FSTL5: variants seen among roughly 807,000 people sequenced by gnomAD.
FSTL5 encodes follistatin-related protein 5.
A neutral mutation model predicts 89.1 loss-of-function variants in FSTL5; 62 were observed. That is an observed-to-expected ratio of 0.70 (90% CI 0.57 to 0.86). The LOEUF (loss-of-function observed/expected upper bound fraction) is 0.86, where lower values mean the gene tolerates loss of function less well. FSTL5 is among the 40% of genes least tolerant of loss of function. The pLI is 0.00. For missense variants in FSTL5, 1,057 were observed against 1,001.6 expected, an observed-to-expected ratio of 1.06 and a Z score of -0.75; for synonymous variants, 383 against 346.2, an observed-to-expected ratio of 1.11 and a Z score of -1.18.
intron 6 of FSTL5, among the ~76,000 whole-genome samples, chr4:161,744,604 C>A (rs1429555339): frequency 6.6e-6 from 1 of 152,070 alleles, no homozygotes. Flanking sequence ...CCACTGCTAA[C>A]TAGCTAAAGT....
intron 6 of FSTL5, among the ~76,000 whole-genome samples, chr4:161,748,321 C>A (rs1055930104): frequency 6.6e-6 from 1 of 151,980 alleles, no homozygotes; most frequent in Non-Finnish European, 1.5e-5. Flanking sequence ...TTTGCACATA[C>A]CTTTTTAAAC....
At chr4:161,634,399 A>G (rs1735617100) in intron 7 of FSTL5, among the ~76,000 whole-genome samples, 1 of 152,208 alleles carries the variant, frequency 6.6e-6, no homozygotes, top group African/African-American at 2.4e-5. Flanking sequence ...TTTGTATCCT[A>G]AGGAAGTGAA....
At chr4:161,555,773 T>C (rs1732365053) in intron 8 of FSTL5, among the ~76,000 whole-genome samples, 1 of 151,642 alleles carries the variant, frequency 6.6e-6, no homozygotes, top group Non-Finnish European at 1.5e-5. Flanking sequence ...AGCAAAGGTT[T>C]GGTGTCTACT....
At chr4:161,415,710 T>C (rs1474184001) in intron 15 of FSTL5, among the ~76,000 whole-genome samples, 1 of 148,910 alleles carries the variant, frequency 6.7e-6, no homozygotes, top group Admixed American at 6.8e-5. Flanking sequence ...AGAGAGAACA[T>C]ATATATATAT....
intron 1 of FSTL5, among the ~76,000 whole-genome samples, chr4:162,145,974 T>C (rs1732958312): frequency 1.3e-5 from 2 of 152,196 alleles, no homozygotes; most frequent in African/African-American, 4.8e-5. Context: ...AACAGTAGTT[T>C]ATGCAATACT....
intron 1 of FSTL5, among the ~76,000 whole-genome samples, chr4:162,151,954 A>T (rs2111511594): frequency 6.6e-6 from 1 of 152,306 alleles, no homozygotes; most frequent in Admixed American, 6.5e-5. Flanking sequence ...GACAGTTTTT[A>T]ATTTAACCGA....
chr4:161,736,614 T>C (rs1362555139), intron 6 of FSTL5, among the ~76,000 whole-genome samples: 2 of 152,172 alleles, frequency 1.3e-5, no homozygotes, highest in Non-Finnish European at 2.9e-5. Flanking sequence ...AAACGAATTT[T>C]CCAGTTTTCT....
intron 8 of FSTL5, among the ~76,000 whole-genome samples, chr4:161,554,659 C>A (rs1276160894): frequency 6.6e-6 from 1 of 151,438 alleles, no homozygotes; most frequent in African/African-American, 2.4e-5. Flanking sequence ...CTATTTTTTC[C>A]TTTTTCTTGA....
chr4:162,099,699 T>C (rs992582266), intron 2 of FSTL5, among the ~76,000 whole-genome samples: 3 of 152,136 alleles, frequency 2.0e-5, no homozygotes, highest in South Asian at 2.1e-4. Flanking sequence ...TTATCCAAAA[T>C]ATACAATGAA....
chr4:161,486,143 C>CAAAA (rs1278214856), intron 12 of FSTL5, among the ~76,000 whole-genome samples: 13 of 76,158 alleles, frequency 1.7e-4, no homozygotes, highest in Non-Finnish European at 2.5e-4. Context: ...GACTCCGTCT[C>CAAAA]AAAAAAAAAA....
intron 4 of FSTL5, among the ~76,000 whole-genome samples, chr4:161,784,137 T>C (rs983741852): frequency 4.0e-5 from 6 of 151,788 alleles, no homozygotes; most frequent in African/African-American, 1.5e-4. Context: ...GGTTTTGCCA[T>C]GTTGGCCAGG....
chr4:162,122,778 T>C (rs6839010), intron 1 of FSTL5, among the ~76,000 whole-genome samples: 115,854 of 152,004 alleles, frequency 0.76, 44,553 homozygotes, highest in Non-Finnish European at 0.8. Context: ...CATATGTGTG[T>C]GGCATAAAAG....
chr4:161,517,985 G>A (rs1730897614), intron 10 of FSTL5, among the ~76,000 whole-genome samples: 1 of 152,150 alleles, frequency 6.6e-6, no homozygotes, highest in African/African-American at 2.4e-5. Flanking sequence ...AAATTTCTTT[G>A]AATATACATA....
intron 3 of FSTL5, among the ~76,000 whole-genome samples, chr4:162,005,427 T>C (rs1234629244): frequency 6.6e-6 from 1 of 152,124 alleles, no homozygotes; most frequent in Non-Finnish European, 1.5e-5. Context: ...ACCTATATTA[T>C]TGCATTATTT....
chr4:161,651,053 C>G (rs1035031706), intron 7 of FSTL5, among the ~76,000 whole-genome samples: 1 of 151,984 alleles, frequency 6.6e-6, no homozygotes, highest in Non-Finnish European at 1.5e-5. Context: ...ATTTTATTTC[C>G]TCTCCAGGTT....
chr4:161,549,734 T>C (rs1732135261), intron 8 of FSTL5, among the ~76,000 whole-genome samples: 1 of 152,000 alleles, frequency 6.6e-6, no homozygotes, highest in Non-Finnish European at 1.5e-5. Flanking sequence ...CTCCGGTTAA[T>C]GCATGTATTT....
intron 4 of FSTL5, among the ~76,000 whole-genome samples, chr4:161,838,809 T>G (rs1455980004): frequency 6.6e-6 from 1 of 152,012 alleles, no homozygotes; most frequent in Non-Finnish European, 1.5e-5. Context: ...CATGGAATAC[T>G]CATCAAAAGA....
rs115515452 is a variant in FSTL5, at chr4:161,516,991, C to A, written c.1313-6567G>T. ...TCAACACAACCTCCACCTGTTCAAG[C>A]GATTCTTGTGCCTCAGCCTCCTGAA... On this transcript the variant is annotated intron_variant, in intron 10 of 15. Transcript: ENST00000306100. Among the ~76,000 whole-genome samples the A allele has an allele frequency of 5.5e-3, 843 of 152,140 alleles. 3 individuals carry two copies. The highest frequency in any genetic ancestry group is 0.019 in the African/African-American group (800 of 41,496).
intron 4 of FSTL5, among the ~76,000 whole-genome samples, chr4:161,853,534 T>A (rs2126883197): frequency 6.6e-6 from 1 of 151,298 alleles, no homozygotes; most frequent in East Asian, 1.9e-4. Flanking sequence ...TCCCTCGGCC[T>A]CCCAAGTGGC....
Sources: gnomAD v4.1 joint callset for allele counts (sites outside exome capture counted in the v4.1 genomes callset) on GRCh38, gnomAD v4.1.1 for gene constraint, MANE v1.5 for transcripts, NCBI Gene and HGNC (gene_info 2026-07-23, HGNC 2026-07-21) for gene names.